SLC9B2: variants seen among roughly 807,000 people sequenced by gnomAD.
SLC9B2 encodes the protein sodium/hydrogen exchanger 9B2.
A neutral mutation model predicts 52.2 loss-of-function variants in SLC9B2; 39 were observed. That is an observed-to-expected ratio of 0.75 (90% CI 0.58 to 0.98). SLC9B2 has a LOEUF of 0.98. Ranked by LOEUF, SLC9B2 falls within the 50% of genes least tolerant of loss-of-function variation. The probability of loss-of-function intolerance (pLI) is 0.00; values close to 1 mark genes in which losing one functional copy is unlikely to be tolerated. For missense variants in SLC9B2, 626 were observed against 637.5 expected, an observed-to-expected ratio of 0.98 and a Z score of 0.19; for synonymous variants, 214 against 227.0, an observed-to-expected ratio of 0.94 and a Z score of 0.51.
At chr4:103,064,956 G>T (rs996333067) in intron 3 of SLC9B2, among the ~76,000 whole-genome samples, 4 of 151,964 alleles carry the variant, frequency 2.6e-5, no homozygotes, top group Non-Finnish European at 5.9e-5. Context: ...CAGATGCAGT[G>T]GTATACATCT....
chr4:103,047,043 T>G lies in SLC9B2; in HGVS notation c.889+8A>C, dbSNP rs756564726. On this transcript the variant is annotated splice_region_variant and intron_variant, in intron 7 of 11. Transcript: ENST00000394785. ...AGAGTAAAGCCTGTTGTGAACTGATTAGGTTACCTGTGGAAAAGGCTATGC... is the reference window on the plus strand; with the variant it reads ...AGAGTAAAGCCTGTTGTGAACTGATGAGGTTACCTGTGGAAAAGGCTATGC... 6.2e-7 allele frequency: 1 copy of G among 1,613,602 alleles called. No individual in the cohort carries two copies. Among genetic ancestry groups the G allele is most frequent in the Admixed American group, 1.7e-5 (1 of 59,972 alleles).
intron 6 of SLC9B2, among the ~76,000 whole-genome samples, chr4:103,048,152 G>C (rs915770389): frequency 6.6e-6 from 1 of 152,066 alleles, no homozygotes; most frequent in Non-Finnish European, 1.5e-5. Context: ...CAACAGCAGT[G>C]GTAACAGCAG....
At chr4:103,028,661 A>G (rs1197726475) in intron 11 of SLC9B2, 86 bp downstream of exon 11, 10 of 1,433,812 alleles carry the variant, frequency 7.0e-6, no homozygotes, top group Admixed American at 2.7e-5. Context: ...TATTTTCACT[A>G]AATTTAAACA....
intron 9 of SLC9B2, among the ~76,000 whole-genome samples, chr4:103,040,904 A>C (rs1324232883): frequency 6.6e-6 from 1 of 152,202 alleles, no homozygotes; most frequent in Non-Finnish European, 1.5e-5. Flanking sequence ...ACCACAGTCT[A>C]AAATCAGAAA....
chr4:103,029,171 C>A (rs1255306109), intron 10 of SLC9B2, among the ~76,000 whole-genome samples: 1 of 152,016 alleles, frequency 6.6e-6, no homozygotes, highest in Non-Finnish European at 1.5e-5. Flanking sequence ...ATAGCAAGAA[C>A]CATGCTTGTT....
intron 4 of SLC9B2, among the ~76,000 whole-genome samples, chr4:103,050,619 G>A (rs751817508): frequency 4.6e-5 from 7 of 152,118 alleles, no homozygotes; most frequent in Non-Finnish European, 8.8e-5. Context: ...ACTTAAAAGG[G>A]AGACAAGATG....
At chr4:103,029,120 T>C (rs1742475549) in intron 10 of SLC9B2, among the ~76,000 whole-genome samples, 1 of 152,206 alleles carries the variant, frequency 6.6e-6, no homozygotes, top group South Asian at 2.1e-4. Flanking sequence ...ATATTTGAAT[T>C]CTTATGTAGA....
chr4:103,059,625 A>T (rs1041840296), intron 3 of SLC9B2, among the ~76,000 whole-genome samples: 2 of 152,216 alleles, frequency 1.3e-5, no homozygotes, highest in Non-Finnish European at 2.9e-5. Flanking sequence ...AATTGTAAGA[A>T]AGCATATATT....
chr4:103,039,687 G>A (rs990012531), intron 9 of SLC9B2, among the ~76,000 whole-genome samples: 2 of 133,512 alleles, frequency 1.5e-5, no homozygotes, highest in African/African-American at 2.9e-5. Context: ...TCGGTCTGTC[G>A]CCCAGGGTGG....
chr4:103,065,174 A>G (rs1746004408), intron 3 of SLC9B2, among the ~76,000 whole-genome samples: 3 of 86,346 alleles, frequency 3.5e-5, no homozygotes, highest in African/African-American at 9.7e-5. Flanking sequence ...AAAAATGTAC[A>G]CACACGCACA....
intron 9 of SLC9B2, among the ~76,000 whole-genome samples, chr4:103,038,396 CT>C (rs1194914323): frequency 6.6e-6 from 1 of 152,120 alleles, no homozygotes; most frequent in Non-Finnish European, 1.5e-5. Context: ...ACACTTTAGA[CT>C]AGTTGAACAT....
chr4:103,030,860 C>A (rs1196465607), intron 10 of SLC9B2, among the ~76,000 whole-genome samples: 1 of 152,088 alleles, frequency 6.6e-6, no homozygotes, highest in Non-Finnish European at 1.5e-5. Context: ...TTACTCCCAG[C>A]CCCTGGCAAG....
chr4:103,031,885 T>G, intron 9 of SLC9B2, 77 bp from the exon 10 acceptor site: 1 of 1,404,946 alleles, frequency 7.1e-7, no homozygotes, highest in Non-Finnish European at 9.9e-7. Context: ...AATTTGAGGT[T>G]TGAATTATTT....
intron 3 of SLC9B2, chr4:103,065,568 A>AATT (rs1280569099): frequency 2.0e-5 from 3 of 152,140 alleles, no homozygotes; most frequent in Non-Finnish European, 4.4e-5. Flanking sequence ...AAAAAAACCT[A>AATT]ATTTGCCTTT....
rs1742967269 is a variant in SLC9B2 at position 103,034,299 on chromosome 4, ATAAATT to A, written c.1147-2497_1147-2492del. ...CCCCTTCCTTACAACGTATACAAAAATAAATTTAAGATGAATGAAAGACTTAAATGT... is the reference window on the plus strand; with the variant it reads ...CCCCTTCCTTACAACGTATACAAAAATAAGATGAATGAAAGACTTAAATGT... On this transcript the variant is annotated intron_variant, in intron 9 of 11. Transcript: ENST00000394785. Among the ~76,000 whole-genome samples the A allele has an allele frequency of 2.0e-5, 3 of 152,330 alleles. No homozygotes were observed. In the South Asian group the frequency reaches 6.2e-4, roughly 32 times the overall value.
chr4:103,056,885 G>A (rs1052770332), intron 4 of SLC9B2, among the ~76,000 whole-genome samples: 1 of 152,148 alleles, frequency 6.6e-6, no homozygotes, highest in African/African-American at 2.4e-5. Context: ...ATGAGCAAGT[G>A]CAGTGTTACC....
intron 1 of SLC9B2, among the ~76,000 whole-genome samples, chr4:103,070,711 G>A (rs567120750): frequency 1.6e-3 from 248 of 152,288 alleles, no homozygotes; most frequent in Non-Finnish European, 2.3e-3. Flanking sequence ...AAAATGCTGG[G>A]ATTACAGGCA....
chr4:103,072,437 T>C (rs1746744086), intron 1 of SLC9B2, among the ~76,000 whole-genome samples: 1 of 152,196 alleles, frequency 6.6e-6, no homozygotes, highest in Non-Finnish European at 1.5e-5. Context: ...ACGACTAAGG[T>C]GGCGCTGCAG....
intron 10 of SLC9B2, among the ~76,000 whole-genome samples, chr4:103,030,152 G>A (rs1742570491): frequency 6.6e-6 from 1 of 152,082 alleles, no homozygotes; most frequent in South Asian, 2.1e-4. Context: ...ACATACAAGT[G>A]GTGCTGTCCA....
Sources: allele counts gnomAD v4.1 joint callset (sites outside exome capture counted in the v4.1 genomes callset), GRCh38; gene constraint gnomAD v4.1.1; transcripts MANE v1.5; gene names NCBI Gene and HGNC (gene_info 2026-07-23, HGNC 2026-07-21).